RNPEP: variants seen among roughly 807,000 people sequenced by gnomAD.
RNPEP encodes arginyl aminopeptidase.
Under a neutral mutation model 70.1 loss-of-function variants are expected in RNPEP, and 57 were observed. The observed-to-expected ratio is 0.81, with a 90% CI of 0.66 to 1.01. RNPEP has a LOEUF of 1.01. Among genes scored for constraint, RNPEP ranks in the 50% least tolerant of loss-of-function variants. RNPEP has a pLI of 0.00. For missense variants in RNPEP, 787 were observed against 852.4 expected (o/e 0.92, Z 0.96); for synonymous variants, 335 against 357.4 (o/e 0.94, Z 0.71).
At chr1:201,999,844 A>G in intron 5 of RNPEP, 58 bp from the exon 6 acceptor site, 1 of 1,380,470 alleles carries the variant, frequency 7.2e-7, no homozygotes, top group Non-Finnish European at 1.0e-6. Context: ...TGTCAGGAAA[A>G]TACACTTGGA....
In RNPEP at chr1:201,989,015, G is replaced by A. The variant is rs777775930; in HGVS notation, c.559G>A (p.Val187Ile). ...AFFPCFDTPAVKYKYSALIEV... is the reference protein window; with the variant it reads ...AFFPCFDTPAIKYKYSALIEV... ...CTTCCCTTGCTTCGACACGCCTGCT[G>A]TTAAATACAAGTATTCAGCTCTTAT... Residue 187 changes from valine to isoleucine, a missense_variant, in exon 2 of 11, where the codon GTT becomes ATT. Physicochemically the swap from Val to Ile is conservative, Grantham distance 29. Transcript: ENST00000295640. 1.2e-5 allele frequency: 19 copies of A among 1,614,064 alleles called. No homozygotes were observed. Among genetic ancestry groups the A allele is most frequent in the Non-Finnish European group, 1.5e-5 (18 of 1,180,028 alleles).
chr1:202,005,947 A>T lies in RNPEP; in HGVS notation c.*231A>T, dbSNP rs971680766. The T allele has an allele frequency of 1.8e-6, 1 of 544,202 alleles. No individual in the cohort carries two copies. Among genetic ancestry groups the T allele is most frequent in the African/African-American group, 1.9e-5 (1 of 53,134 alleles). 33.7% of individuals were successfully genotyped at this position (544,202 alleles called of 1,614,324 possible). A position where few individuals can be genotyped will look rare whatever the true frequency, so the allele number is the denominator to read the frequency against. ...GAACCTGCCCACAGCTCTCCCCGCT[A>T]CAGGCTGCAGGCACTGCAGGGCAGC... On this transcript the variant is annotated 3_prime_UTR_variant, in exon 11 of 11. Coordinates refer to ENST00000295640, the MANE Select transcript of RNPEP (RefSeq NM_020216.4).
chr1:201,983,658 C>G, intron 1 of RNPEP: 1 of 1,173,390 alleles, frequency 8.5e-7, no homozygotes. Flanking sequence ...CCTGTGAAGT[C>G]CTGGATTTGA....
At chr1:202,000,109 G>T in intron 6 of RNPEP, 94 bp downstream of exon 6, 1 of 899,510 alleles carries the variant, frequency 1.1e-6, no homozygotes, top group Non-Finnish European at 1.7e-6. Flanking sequence ...TGCACGCTTA[G>T]AATACTTTAT....
chr1:201,999,883 A>ACGTTTGATTCTGCACCAGG lies in RNPEP; in HGVS notation c.1091-16_1093dup. ...GGTGACAGACGTTTTCCCGAGGCTT[A>ACGTTTGATTCTGCACCAGG]CGTTTGATTCTGCACCAGGCGCTGC... On this transcript the variant is annotated intron_variant, in intron 5 of 10. Coordinates refer to ENST00000295640, the MANE Select transcript of RNPEP (RefSeq NM_020216.4). 6.2e-7 allele frequency: 1 copy of ACGTTTGATTCTGCACCAGG among 1,603,334 alleles called. No individual in the cohort carries two copies. The highest frequency in any genetic ancestry group is 8.5e-7 in the Non-Finnish European group (1 of 1,172,606).
intron 1 of RNPEP, chr1:201,983,513 C>G (rs759128321): frequency 7.5e-7 from 1 of 1,331,346 alleles, no homozygotes; most frequent in Non-Finnish European, 9.9e-7. Flanking sequence ...ACTTTTGGGC[C>G]GAGGTACCTG....
intron 1 of RNPEP, among the ~76,000 whole-genome samples, chr1:201,985,393 C>T (rs1265635216): frequency 2.0e-5 from 3 of 151,950 alleles, no homozygotes; most frequent in African/African-American, 7.3e-5. Flanking sequence ...TGGGACCAAC[C>T]ACAGACCTGC....
At chr1:201,990,772 G>A (rs1017259588) in intron 3 of RNPEP, among the ~76,000 whole-genome samples, 2 of 152,160 alleles carry the variant, frequency 1.3e-5, no homozygotes, top group Admixed American at 6.5e-5. Flanking sequence ...CTCCTCTTAC[G>A]AAGGGCTGTC....
intron 3 of RNPEP, among the ~76,000 whole-genome samples, chr1:201,994,124 T>G (rs970846752): frequency 6.6e-6 from 1 of 152,178 alleles, no homozygotes; most frequent in African/African-American, 2.4e-5. Context: ...TCAGGCCTCC[T>G]GGTTAGTCCT....
chr1:202,000,159 C>G (rs1330245148), intron 6 of RNPEP, 144 bp downstream of exon 6: 1 of 625,870 alleles, frequency 1.6e-6, no homozygotes, highest in Non-Finnish European at 2.8e-6. Context: ...GTAGCCAATT[C>G]TCTGGCCCCT....
intron 3 of RNPEP, among the ~76,000 whole-genome samples, chr1:201,993,920 A>G (rs937983010): frequency 1.5e-5 from 2 of 129,666 alleles, no homozygotes; most frequent in African/African-American, 5.7e-5. Flanking sequence ...CCACCCCACA[A>G]TCATTTATTG....
Position 202,003,366 on chromosome 1 carries a change from T to C in RNPEP, c.1556T>C (p.Met519Thr), listed in dbSNP as rs142646649. The C allele has an allele frequency of 1.1e-4, 174 of 1,614,034 alleles. No homozygotes were observed. Among genetic ancestry groups the C allele is most frequent in the Non-Finnish European group, 1.3e-4 (155 of 1,180,026 alleles). The change falls in exon 9 of 11, where the codon ATG becomes ACG. Residue 519 changes from methionine (M) to threonine (T), a missense_variant. By Grantham distance (81) the Met-to-Thr change is moderately conservative. Coordinates refer to ENST00000295640, the MANE Select transcript of RNPEP (RefSeq NM_020216.4). ...CTGTGGGCAGCCGAGGAGCTGGACA[T>C]GAAGGCCATTGAAGCCGTGGCCATC... is the stretch of plus-strand genomic sequence containing the variant. ...AQLWAAEELD[M>T]KAIEAVAISP...
At chr1:201,986,574 C>G (rs1391640029) in intron 1 of RNPEP, among the ~76,000 whole-genome samples, 4 of 131,946 alleles carry the variant, frequency 3.0e-5, no homozygotes, top group Non-Finnish European at 6.3e-5. Context: ...GAGTTTCACT[C>G]TTGTTACCCA....
At chr1:201,989,909 A>G (rs1341565246) in intron 3 of RNPEP, among the ~76,000 whole-genome samples, 1 of 149,886 alleles carries the variant, frequency 6.7e-6, no homozygotes, top group African/African-American at 2.5e-5. Flanking sequence ...CAATGGTGCG[A>G]TCTTGGCTCA....
At chr1:201,988,586 C>T (rs148083713) in intron 1 of RNPEP, among the ~76,000 whole-genome samples, 4 of 151,652 alleles carry the variant, frequency 2.6e-5, no homozygotes, top group Non-Finnish European at 5.9e-5. Context: ...GAAACTACTA[C>T]AGTGAAAAGG....
At chr1:201,990,002 G>A (rs1043537534) in intron 3 of RNPEP, among the ~76,000 whole-genome samples, 3 of 152,004 alleles carry the variant, frequency 2.0e-5, no homozygotes, top group East Asian at 3.9e-4. Flanking sequence ...GCCCCACCAC[G>A]CTCGGCTAAT....
chr1:202,001,912 T>C, intron 8 of RNPEP, 145 bp downstream of exon 8: 1 of 622,860 alleles, frequency 1.6e-6, no homozygotes, highest in Non-Finnish European at 2.9e-6. Context: ...CCCAGAATCC[T>C]GGGATTTATT....
At chr1:201,993,270 C>A (rs1375176370) in intron 3 of RNPEP, among the ~76,000 whole-genome samples, 1 of 152,164 alleles carries the variant, frequency 6.6e-6, no homozygotes, top group Admixed American at 6.6e-5. Context: ...TCTAGACAAG[C>A]ACCAGTTTCT....
intron 4 of RNPEP, 81 bp downstream of exon 4, chr1:201,996,344 A>G (rs1045297671): frequency 1.0e-6 from 1 of 983,976 alleles, no homozygotes; most frequent in Admixed American, 1.8e-5. Flanking sequence ...TGGCTTTTCC[A>G]CCTCCTGCCT....
Sources: gnomAD v4.1 joint callset for allele counts (sites outside exome capture counted in the v4.1 genomes callset) on GRCh38, gnomAD v4.1.1 for gene constraint, MANE v1.5 for transcripts, NCBI Gene and HGNC (gene_info 2026-07-23, HGNC 2026-07-21) for gene names.